TNRC18: variants seen among roughly 807,000 people sequenced by gnomAD.
TNRC18 encodes the protein trinucleotide repeat-containing gene 18 protein.
A neutral mutation model predicts 226.7 loss-of-function variants in TNRC18; 69 were observed. The ratio of observed to expected loss-of-function variants is 0.30; its 90% CI spans 0.25 to 0.37. TNRC18 has a LOEUF of 0.37. Ranked by LOEUF, TNRC18 falls within the 10% of genes least tolerant of loss-of-function variation. TNRC18 has a pLI of 1.00. For missense variants in TNRC18, 4,754 were observed against 4,256.6 expected (o/e 1.12, Z -3.25); for synonymous variants, 2,449 against 1,927.6 (o/e 1.27, Z -7.09).
At chr7:5,420,924 G>A (rs1423339495) in intron 2 of TNRC18, 136 bp downstream of exon 2, 4 of 1,108,244 alleles carry the variant, frequency 3.6e-6, no homozygotes, top group African/African-American at 1.5e-5. Flanking sequence ...CCAGCCCTGG[G>A]AGCCGAGTCT....
chr7:5,320,874 G>A (rs1788282624), intron 22 of TNRC18, among the ~76,000 whole-genome samples, 199 bp downstream of exon 22: 1 of 152,254 alleles, frequency 6.6e-6, no homozygotes, highest in Non-Finnish European at 1.5e-5. Context: ...GCCGCGCCCA[G>A]CCCCTGGGAG....
At position 5,351,967 on chromosome 7, in the gene TNRC18, G is replaced by A. The variant is rs1379313540; in HGVS notation, c.5322C>T (p.Gly1774=). Residue 1774 remains glycine (G), a synonymous_variant, in exon 17 of 30, where the codon GGC becomes GGT. Transcript: ENST00000430969. The stretch of plus-strand genomic sequence containing the variant: ...CCAGGCCCCTCTTGGTCAGCTTGGG[G>A]CCACCAGCTGCCTTGCTGTTCTTTG... ...MVAKNSKAAG[G]PKLTKRGLAA... 1 of 1,613,832 alleles carries A rather than the reference G, an allele frequency of 6.2e-7. No individual in the cohort carries two copies. The highest frequency in any genetic ancestry group is 1.3e-5 in the African/African-American group (1 of 74,920).
Position 5,393,864 on chromosome 7 carries a change from C to T in TNRC18, c.343+576G>A, listed in dbSNP as rs568728605. Among the ~76,000 whole-genome samples, 8 of 152,202 alleles carry T rather than the reference C, an allele frequency of 5.3e-5. No homozygotes were observed. The South Asian group carries it at 1.7e-3, about 32-fold the overall frequency. Reference sequence around the variant, plus strand: ...AGAAAAGGCCCCAACAGCCCCAGGTCCCCCCGCTCTGGGAAATTTTTTTTG... The same window carrying T: ...AGAAAAGGCCCCAACAGCCCCAGGTTCCCCCGCTCTGGGAAATTTTTTTTG... On this transcript the variant is annotated intron_variant, in intron 3 of 29. Transcript: ENST00000430969.
In TNRC18 at chr7:5,357,089, C is replaced by A; in HGVS notation, c.5021G>T (p.Gly1674Val). 1 of 1,552,132 alleles carries A rather than the reference C, an allele frequency of 6.4e-7. No homozygotes were observed. Among genetic ancestry groups the A allele is most frequent in the Non-Finnish European group, 8.7e-7 (1 of 1,147,110 alleles). The change falls in exon 16 of 30, where the codon GGG becomes GTG. Residue 1674 changes from glycine (G) to valine (V), a missense_variant. By Grantham distance (109) the Gly-to-Val change is moderately radical. Coordinates refer to ENST00000430969, the MANE Select transcript of TNRC18 (RefSeq NM_001080495.3). ...RYLTPYDSLL[G>V]KNRKALAKGL... ...CTTGGCCAGCGCCTTCCTGTTCTTC[C>A]CCAGCAGGCTGTCGTAAGGAGTCAA...
chr7:5,310,961 C>T (rs562076123), intron 27 of TNRC18, among the ~76,000 whole-genome samples: 3 of 152,244 alleles, frequency 2.0e-5, no homozygotes, highest in South Asian at 2.1e-4. Context: ...TGTGTGTGCA[C>T]GTGTACTCGT....
intron 5 of TNRC18, among the ~76,000 whole-genome samples, chr7:5,380,730 C>A (rs377125493): frequency 9.2e-5 from 14 of 152,334 alleles, no homozygotes; most frequent in African/African-American, 3.4e-4. Context: ...CACGGGGAAA[C>A]TGAGGCCCAG....
At chr7:5,317,067 G>T (rs1334365244) in intron 24 of TNRC18, among the ~76,000 whole-genome samples, 1 of 152,138 alleles carries the variant, frequency 6.6e-6, no homozygotes, top group African/African-American at 2.4e-5. Context: ...CCAGATGCTG[G>T]TACTATATCC....
At chr7:5,357,913 G>A (rs546798660) in intron 15 of TNRC18, among the ~76,000 whole-genome samples, 1 of 152,286 alleles carries the variant, frequency 6.6e-6, no homozygotes, top group Non-Finnish European at 1.5e-5. Context: ...TTATTAAATA[G>A]CTGGTGCTGT....
intron 2 of TNRC18, among the ~76,000 whole-genome samples, chr7:5,403,356 CT>C (rs1454770234): frequency 1.3e-5 from 2 of 152,266 alleles, no homozygotes; most frequent in South Asian, 2.1e-4. Context: ...GACGGGGTTT[CT>C]CCATGTTGGT....
intron 17 of TNRC18, among the ~76,000 whole-genome samples, chr7:5,349,178 C>G (rs1311591500): frequency 6.6e-6 from 1 of 152,224 alleles, no homozygotes; most frequent in Non-Finnish European, 1.5e-5. Flanking sequence ...CGCACCTCGG[C>G]ATGGGAGACC....
At chr7:5,421,560 TAAC>T (rs1441570188) in intron 1 of TNRC18, 71 bp from the exon 2 acceptor site, 1 of 152,152 alleles carries the variant, frequency 6.6e-6, no homozygotes, top group South Asian at 2.1e-4. Context: ...AAAAATAAAG[TAAC>T]AAGTTTCAGA....
Position 5,313,175 on chromosome 7 carries a change from G to GCTGCTGCTGCTACTGCTGCCA in TNRC18, c.7695_7715dup (p.Gly2566_Ser2572dup), listed in dbSNP as rs1787449232. 1 of 1,541,184 alleles carries GCTGCTGCTGCTACTGCTGCCA rather than the reference G, an allele frequency of 6.5e-7. No homozygotes were observed. The highest frequency in any genetic ancestry group is 8.7e-7 in the Non-Finnish European group (1 of 1,143,024). On this transcript the variant is annotated inframe_insertion, in exon 27 of 30. Coordinates refer to ENST00000430969, the MANE Select transcript of TNRC18 (RefSeq NM_001080495.3). ...TCTCCGAGCCGCTGCTGCTGCTGCT[G>GCTGCTGCTGCTACTGCTGCCA]CTGCTGCTGCTACTGCTGCCACTAC...
At chr7:5,351,400 C>T (rs1173488571) in intron 17 of TNRC18, among the ~76,000 whole-genome samples, 1 of 148,926 alleles carries the variant, frequency 6.7e-6, no homozygotes, top group African/African-American at 2.5e-5. Context: ...AAATGTTCCT[C>T]GGGAAGCCTC....
chr7:5,384,170 A>G (rs570623801), intron 5 of TNRC18, among the ~76,000 whole-genome samples: 2 of 152,106 alleles, frequency 1.3e-5, no homozygotes, highest in African/African-American at 4.8e-5. Flanking sequence ...GTTTTACCAC[A>G]TTAACCAGTC....
chr7:5,390,651 T>C (rs1780224966), intron 3 of TNRC18, 23 bp from the exon 4 acceptor site: 2 of 1,511,852 alleles, frequency 1.3e-6, no homozygotes, highest in African/African-American at 1.4e-5. Flanking sequence ...AGAGAAAAGC[T>C]GGGCTGGGCC....
At chr7:5,378,715 G>A (rs868209384) in intron 5 of TNRC18, among the ~76,000 whole-genome samples, 3 of 151,772 alleles carry the variant, frequency 2.0e-5, no homozygotes, top group Middle Eastern at 3.4e-3. Context: ...ACCGAGCCCC[G>A]CCACTAATGC....
Position 5,312,728 on chromosome 7 carries a change from C to A in TNRC18, c.8163G>T (p.Thr2721=). Residue 2721 remains threonine (T), a synonymous_variant, in exon 27 of 30, where the codon ACG becomes ACT. Coordinates refer to ENST00000430969, the MANE Select transcript of TNRC18 (RefSeq NM_001080495.3). This position sits in a 1 kb window ranked among gnomAD's most constrained non-coding sequence, Gnocchi z 6.3. ...GAGGCGCCTGGGGCTGGGGCGCGGG[C>A]GTCTTCTTGCCTGGGGAGTGGGCCG... ...RPSAHSPGKK[T]PAPQPQAPPP... 2 of 1,555,100 alleles carry A rather than the reference C, an allele frequency of 1.3e-6. No homozygotes were observed. The highest frequency in any genetic ancestry group is 2.3e-5 in the East Asian group (1 of 44,326).
intron 26 of TNRC18, 104 bp downstream of exon 26, chr7:5,314,880 C>T (rs1191943177): frequency 1.5e-6 from 2 of 1,308,648 alleles, no homozygotes; most frequent in Non-Finnish European, 1.0e-6. Context: ...GCTCAGAGTT[C>T]TTACAGACAG....
At chr7:5,379,933 C>T (rs1381183908) in intron 5 of TNRC18, among the ~76,000 whole-genome samples, 1 of 152,204 alleles carries the variant, frequency 6.6e-6, no homozygotes, top group Non-Finnish European at 1.5e-5. Context: ...CAGCCACCCC[C>T]AAGGGCCCAG....
Sources: allele counts gnomAD v4.1 joint callset (sites outside exome capture counted in the v4.1 genomes callset), GRCh38; gene constraint gnomAD v4.1.1; non-coding constraint Gnocchi (gnomAD v3.1); transcripts MANE v1.5; gene names NCBI Gene and HGNC (gene_info 2026-07-23, HGNC 2026-07-21).